The following CPPED1 variants were observed in gnomAD, a reference collection of about 807,000 sequenced individuals.
CPPED1 encodes calcineurin like phosphoesterase domain containing 1.
Under a neutral mutation model 28.0 loss-of-function variants are expected in CPPED1, and 28 were observed. The ratio of observed to expected loss-of-function variants is 1.00; its 90% confidence interval spans 0.74 to 1.37. The LOEUF is 1.37. Among genes scored for constraint, CPPED1 ranks in the 40% most tolerant of loss-of-function variants. CPPED1 has a pLI of 0.00. For missense variants in CPPED1, 504 were observed against 416.5 expected (o/e 1.21, Z -1.83); for synonymous variants, 198 against 180.2 (o/e 1.10, Z -0.79).
At position 12,662,105 on chromosome 16, in the gene CPPED1, G is replaced by A. The variant is rs1005108785; in HGVS notation, c.*2781C>T. 6.6e-6 allele frequency: 1 copy of A among 152,202 alleles called. No individual in the cohort carries two copies. Among genetic ancestry groups the A allele is most frequent in the African/African-American group, 2.4e-5 (1 of 41,448 alleles). 9.4% of individuals were successfully genotyped at this position (152,202 alleles called of 1,614,324 possible). A position where few individuals can be genotyped will look rare whatever the true frequency, so the allele number is the denominator to read the frequency against. On this transcript the variant is annotated 3_prime_UTR_variant, in exon 4 of 4. Transcript: ENST00000381774. Reference sequence around the variant, plus strand: ...GTGACCCCCACCTTTCTGAGCCAAAGCACTTAAAACACATAATAAACATTC... The same window carrying A: ...GTGACCCCCACCTTTCTGAGCCAAAACACTTAAAACACATAATAAACATTC...
intron 2 of CPPED1, among the ~76,000 whole-genome samples, chr16:12,730,787 C>T (rs1206269904): frequency 6.6e-6 from 1 of 152,204 alleles, no homozygotes; most frequent in Non-Finnish European, 1.5e-5. Flanking sequence ...AGAGAAGGCG[C>T]ACGAGGGAGC....
At chr16:12,698,039 G>A (rs914125299) in intron 3 of CPPED1, among the ~76,000 whole-genome samples, 1 of 152,124 alleles carries the variant, frequency 6.6e-6, no homozygotes, top group Non-Finnish European at 1.5e-5. Flanking sequence ...GAACCTGGGA[G>A]GCGGAAGTTG....
intron 2 of CPPED1, 33 bp downstream of exon 2, chr16:12,781,152 A>T (rs1187851801): frequency 6.3e-7 from 1 of 1,585,144 alleles, no homozygotes; most frequent in East Asian, 2.3e-5. Flanking sequence ...CGGCTGAAGG[A>T]GAAAAGGTCA....
intron 1 of CPPED1, among the ~76,000 whole-genome samples, chr16:12,793,207 A>C (rs2080606859): frequency 6.6e-6 from 1 of 152,126 alleles, no homozygotes; most frequent in African/African-American, 2.4e-5. Context: ...GCAAATAACT[A>C]AGTTAGTTAC....
At chr16:12,759,273 G>GC (rs1326887922) in intron 2 of CPPED1, 1 of 151,364 alleles carries the variant, frequency 6.6e-6, no homozygotes, top group East Asian at 2.0e-4. Flanking sequence ...AGAAACGCAA[G>GC]CCCAGGCACA....
intron 1 of CPPED1, among the ~76,000 whole-genome samples, chr16:12,797,278 C>T (rs146710117): frequency 6.6e-6 from 1 of 152,218 alleles, no homozygotes; most frequent in South Asian, 2.1e-4. Context: ...AGGCCAGGTG[C>T]GGTGGCTCAT....
chr16:12,783,941 C>G (rs752180186), intron 1 of CPPED1, among the ~76,000 whole-genome samples: 1 of 152,172 alleles, frequency 6.6e-6, no homozygotes, highest in Non-Finnish European at 1.5e-5. Flanking sequence ...CACTGTCATT[C>G]ACTGAGCACT....
At chr16:12,688,102 T>G (rs536017862) in intron 3 of CPPED1, among the ~76,000 whole-genome samples, 1 of 151,288 alleles carries the variant, frequency 6.6e-6, no homozygotes, top group East Asian at 1.9e-4. Context: ...CGATCATGGT[T>G]TACTGCAGCC....
At chr16:12,760,132 G>A (rs2080399994) in intron 2 of CPPED1, among the ~76,000 whole-genome samples, 1 of 152,252 alleles carries the variant, frequency 6.6e-6, no homozygotes, top group Non-Finnish European at 1.5e-5. Flanking sequence ...TGTGTGCTGA[G>A]TATGACGCTG....
At chr16:12,684,621 C>G (rs185994285) in intron 3 of CPPED1, among the ~76,000 whole-genome samples, 65 of 152,166 alleles carry the variant, frequency 4.3e-4, no homozygotes, top group Non-Finnish European at 8.2e-4. Context: ...GGAAAACATC[C>G]CTGGTGAAGG....
intron 3 of CPPED1, among the ~76,000 whole-genome samples, chr16:12,702,899 G>A (rs1446014198): frequency 6.6e-6 from 1 of 151,378 alleles, no homozygotes; most frequent in Non-Finnish European, 1.5e-5. Context: ...GTAATCCCAG[G>A]TACTCAGCAG....
chr16:12,703,681 CA>C (rs11334902), intron 3 of CPPED1, among the ~76,000 whole-genome samples: 65,900 of 97,328 alleles, frequency 0.68, 20,242 homozygotes, highest in Admixed American at 0.78. Flanking sequence ...GACTTTGTCT[CA>C]AAAAAAAAAA....
rs576911008 is a variant in CPPED1 at position 12,697,796 on chromosome 16, G to A, written c.715+6828C>T. ...CCGAAAAGTTCTATTGACCCCTCTA[G>A]GCGAAGCATTTCCCATACAAAAGTC... On this transcript the variant is annotated intron_variant, in intron 3 of 3. Transcript: ENST00000381774. 1.9e-4 allele frequency among the ~76,000 whole-genome samples: 29 copies of A among 152,216 alleles called. No individual in the cohort carries two copies. In the South Asian group the frequency reaches 6.0e-3, roughly 32 times the overall value.
Position 12,680,361 on chromosome 16 carries a change from C to T in CPPED1, c.716-15246G>A, listed in dbSNP as rs565057429. ...ATTGTCAGTTCATTTCGACAGTGAA[C>T]CTTCAGAAGGTGGAACAAAAGCTTT... On this transcript the variant is annotated intron_variant, in intron 3 of 3. Coordinates refer to ENST00000381774, the MANE Select transcript of CPPED1 (RefSeq NM_018340.3). Among the ~76,000 whole-genome samples, 5 of 152,122 alleles carry T rather than the reference C, an allele frequency of 3.3e-5. No individual in the cohort carries two copies. The South Asian group carries it at 1.0e-3, about 32-fold the overall frequency.
intron 3 of CPPED1, 107 bp from the exon 4 acceptor site, chr16:12,665,222 T>C: frequency 2.2e-6 from 2 of 908,660 alleles, no homozygotes; most frequent in Admixed American, 3.6e-5. Context: ...TATATTATTA[T>C]ACCATCATGT....
intron 3 of CPPED1, among the ~76,000 whole-genome samples, chr16:12,677,129 C>T (rs1019500822): frequency 6.6e-6 from 1 of 152,176 alleles, no homozygotes; most frequent in African/African-American, 2.4e-5. Context: ...GCTGGGCATC[C>T]GAATTTCCTC....
chr16:12,740,573 T>C (rs554252008), intron 2 of CPPED1, among the ~76,000 whole-genome samples: 5 of 152,048 alleles, frequency 3.3e-5, no homozygotes, highest in South Asian at 4.2e-4. Flanking sequence ...ATGAGGACAA[T>C]AGAAGGGCCT....
rs148091099 is a variant in CPPED1, at chr16:12,688,729, C to T, written c.715+15895G>A. Among the ~76,000 whole-genome samples, 103 of 152,336 alleles carry T rather than the reference C, an allele frequency of 6.8e-4. No homozygotes were observed. The East Asian group carries it at 0.019, about 27-fold the overall frequency. On this transcript the variant is annotated intron_variant, in intron 3 of 3. Transcript: ENST00000381774. ...GAGCTTCTTGAGGGCAGGGCCGATG[C>T]TTACTCCACCTCATGTGTTTCCCTT...
At chr16:12,771,385 CTG>C (rs1260768900) in intron 2 of CPPED1, among the ~76,000 whole-genome samples, 2 of 152,254 alleles carry the variant, frequency 1.3e-5, no homozygotes, top group Non-Finnish European at 2.9e-5. Flanking sequence ...GGGAAACAAA[CTG>C]TGAATCATTT....
Sources: allele counts gnomAD v4.1 joint callset (sites outside exome capture counted in the v4.1 genomes callset), GRCh38; gene constraint gnomAD v4.1.1; transcripts MANE v1.5; gene names NCBI Gene and HGNC (gene_info 2026-07-23, HGNC 2026-07-21).